FIG4: variants seen among roughly 807,000 people sequenced by gnomAD.
The protein encoded by FIG4 is FIG4 phosphoinositide 5-phosphatase, also known as polyphosphoinositide phosphatase.
FIG4 carries 112 observed loss-of-function variants against 118.6 expected under a neutral mutation model. The ratio of observed to expected loss-of-function variants is 0.94; its 90% CI spans 0.81 to 1.11. FIG4 has a LOEUF of 1.11. FIG4 is among the 50% of genes least tolerant of loss of function. The pLI is 0.00. For missense variants in FIG4, 969 were observed against 1,111.7 expected, an observed-to-expected ratio of 0.87 and a Z score of 1.83; for synonymous variants, 369 against 381.2, an observed-to-expected ratio of 0.97 and a Z score of 0.37.
chr6:109,714,987 T>TA (rs1330612726), intron 1 of FIG4, 91 bp from the exon 2 acceptor site: 1 of 682,234 alleles, frequency 1.5e-6, no homozygotes. Flanking sequence ...CTGACTTTAT[T>TA]AATGTATTTA....
At chr6:109,728,318 TC>T (rs1011366867) in intron 4 of FIG4, among the ~76,000 whole-genome samples, 1 of 152,174 alleles carries the variant, frequency 6.6e-6, no homozygotes, top group Non-Finnish European at 1.5e-5. Flanking sequence ...TACTTTTTTT[TC>T]CCTGCAATTT....
intron 15 of FIG4, among the ~76,000 whole-genome samples, chr6:109,773,423 C>T (rs11964864): frequency 0.28 from 42,835 of 151,950 alleles, 6,101 homozygotes; most frequent in Middle Eastern, 0.36. Flanking sequence ...AAACTCTTGA[C>T]TCTGTCTCAA....
chr6:109,805,244 A>G (rs1264788670), intron 22 of FIG4, among the ~76,000 whole-genome samples: 1 of 152,120 alleles, frequency 6.6e-6, no homozygotes, highest in Non-Finnish European at 1.5e-5. Context: ...ACTGCTACCA[A>G]ATGTCTGAAG....
chr6:109,779,075 T>G (rs1777717083), intron 16 of FIG4, among the ~76,000 whole-genome samples: 1 of 152,114 alleles, frequency 6.6e-6, no homozygotes, highest in African/African-American at 2.4e-5. Context: ...TTACATTAAA[T>G]TTATTATTAA....
intron 22 of FIG4, among the ~76,000 whole-genome samples, chr6:109,807,807 G>A (rs1336875564): frequency 6.6e-6 from 1 of 152,146 alleles, no homozygotes; most frequent in East Asian, 1.9e-4. Context: ...AAGGGGTCCA[G>A]TTTCAGTTTT....
intron 17 of FIG4, chr6:109,785,880 A>G (rs1320255811): frequency 6.0e-6 from 2 of 333,370 alleles, no homozygotes; most frequent in Non-Finnish European, 1.2e-5. Context: ...GAAAAGGTTT[A>G]GTTGTTCTGG....
chr6:109,820,505 C>T (rs1778975368), intron 22 of FIG4, among the ~76,000 whole-genome samples: 1 of 151,938 alleles, frequency 6.6e-6, no homozygotes, highest in African/African-American at 2.4e-5. Flanking sequence ...CAAGAGTAGA[C>T]GTGGGAGTTG....
rs1777074723 is a variant in FIG4, at chr6:109,760,589, G to A, written c.1271+206G>A. Among the ~76,000 whole-genome samples the A allele has an allele frequency of 2.6e-5, 4 of 152,010 alleles. No homozygotes were observed. The South Asian group carries it at 8.3e-4, about 32-fold the overall frequency. Reference sequence around the variant, plus strand: ...CATATATACCATTTGCAAATTGTTTGAAATATTTAGTCATTTCAGAACATC... The same window carrying A: ...CATATATACCATTTGCAAATTGTTTAAAATATTTAGTCATTTCAGAACATC... On this transcript the variant is annotated intron_variant, in intron 11 of 22. Transcript: ENST00000230124.
chr6:109,815,876 C>T (rs1778849671), intron 22 of FIG4, among the ~76,000 whole-genome samples: 1 of 151,782 alleles, frequency 6.6e-6, no homozygotes, highest in Non-Finnish European at 1.5e-5. Flanking sequence ...GGGGGGCACT[C>T]AGTTTTCATT....
Position 109,727,205 on chromosome 6 carries a change from A to G in FIG4, c.386A>G (p.Asp129Gly). The G allele has an allele frequency of 6.2e-7, 1 of 1,612,624 alleles. No individual in the cohort carries two copies. ...IGGHAIYKVE[D>G]TNMIYIPNDS... ...GGTCATGCAATCTATAAGGTCGAAG[A>G]TACAAATATGATCTATATACCCAAT... Residue 129 changes from aspartate to glycine, a missense_variant, in exon 4 of 23, where the codon GAT becomes GGT. Asp to Gly is a moderately conservative substitution (Grantham distance 94). This residue lies in a region of FIG4 where 393 missense variants were observed against 409.4 expected (regional missense o/e 0.96). Coordinates refer to ENST00000230124, the MANE Select transcript of FIG4 (RefSeq NM_014845.6).
rs76823926 is a variant in FIG4 at position 109,764,445 on chromosome 6, A to T, written c.1434+463A>T. ...AGAGCAAGACTCTGTCTCAGAAAGAAAAAAAAAAAAAAGAAAAATGTGTAG... is the reference window on the plus strand; with the variant it reads ...AGAGCAAGACTCTGTCTCAGAAAGATAAAAAAAAAAAAGAAAAATGTGTAG... On this transcript the variant is annotated intron_variant, in intron 13 of 22. Coordinates refer to ENST00000230124, the MANE Select transcript of FIG4 (RefSeq NM_014845.6). Among the ~76,000 whole-genome samples, 6 of 41,834 alleles carry T rather than the reference A, an allele frequency of 1.4e-4. 1 individual carries two copies. Among genetic ancestry groups the T allele is most frequent in the African/African-American group, 6.6e-4 (6 of 9,050 alleles). The allele number at this position is 41,834 out of a possible 152,430, so 27.4% of individuals were successfully genotyped here.
intron 10 of FIG4, among the ~76,000 whole-genome samples, chr6:109,757,324 A>G (rs1776946428): frequency 6.6e-6 from 1 of 152,242 alleles, no homozygotes; most frequent in Non-Finnish European, 1.5e-5. Flanking sequence ...ATGCGAATCA[A>G]TAAACGTAAT....
rs966931542 is a variant in FIG4 at position 109,743,012 on chromosome 6, A to G, written c.877-98A>G. On this transcript the variant is annotated intron_variant, in intron 8 of 22. Transcript: ENST00000230124. ...AGACTTTCAAAGAATAGGAATTATA[A>G]CTTCATTGAAAGAATAGGAATTATA... 45 of 1,073,310 alleles carry G rather than the reference A, an allele frequency of 4.2e-5. 2 individuals carry two copies. The Middle Eastern group carries it at 7.9e-4, about 19-fold the overall frequency. 66.5% of individuals were successfully genotyped at this position (1,073,310 alleles called of 1,614,324 possible).
At chr6:109,817,816 AG>A (rs202242994) in intron 22 of FIG4, among the ~76,000 whole-genome samples, 2,015 of 152,304 alleles carry the variant, frequency 0.013, 56 homozygotes, top group African/African-American at 0.046. Flanking sequence ...TTAAAATAAG[AG>A]GGCTGGTGCT....
intron 1 of FIG4, among the ~76,000 whole-genome samples, chr6:109,714,161 T>C (rs1775356305): frequency 6.6e-6 from 1 of 152,302 alleles, no homozygotes; most frequent in South Asian, 2.1e-4. Context: ...GGGAGTCTCC[T>C]TCTGTCAGGA....
At chr6:109,759,912 C>T (rs1455613076) in intron 10 of FIG4, among the ~76,000 whole-genome samples, 2 of 152,186 alleles carry the variant, frequency 1.3e-5, no homozygotes, top group African/African-American at 4.8e-5. Context: ...CTCCCTTCTT[C>T]TGGTCCTTGG....
In FIG4 at chr6:109,726,962, C is replaced by T. The variant is rs6921615; in HGVS notation, c.290-147C>T. 525,576 of 682,950 alleles carry T rather than the reference C, an allele frequency of 0.77. 203,131 individuals carry two copies. The highest frequency in any genetic ancestry group is 0.89 in the African/African-American group (49,148 of 55,530). The allele number at this position is 682,950 out of a possible 1,614,324, so 42.3% of individuals were successfully genotyped here. On this transcript the variant is annotated intron_variant, in intron 3 of 22. Transcript: ENST00000230124. The stretch of plus-strand genomic sequence containing the variant: ...AGTATAGATAGTCTTAGAGAATAAT[C>T]CTAAGACACCTGAAAATTTGTATGG...
chr6:109,728,860 T>G (rs1775897471), intron 4 of FIG4, among the ~76,000 whole-genome samples: 1 of 152,178 alleles, frequency 6.6e-6, no homozygotes, highest in Non-Finnish European at 1.5e-5. Context: ...GTCTCATCTT[T>G]ATGATACTTT....
intron 12 of FIG4, 46 bp downstream of exon 12, chr6:109,762,253 C>T (rs1376000087): frequency 1.4e-5 from 16 of 1,185,008 alleles, no homozygotes; most frequent in Middle Eastern, 1.9e-4. Context: ...GATTTTTGCT[C>T]TTATGGGTAT....
Sources: allele counts gnomAD v4.1 joint callset (sites outside exome capture counted in the v4.1 genomes callset), GRCh38; gene constraint gnomAD v4.1.1; regional missense constraint gnomAD v4.1.1; transcripts MANE v1.5; gene names NCBI Gene and HGNC (gene_info 2026-07-23, HGNC 2026-07-21).